RPAIN: variants seen among roughly 807,000 people sequenced by gnomAD.
RPAIN encodes the protein RPA-interacting protein.
A neutral mutation model predicts 30.5 loss-of-function variants in RPAIN; 29 were observed. The ratio of observed to expected loss-of-function variants is 0.95; its 90% CI spans 0.71 to 1.30. The LOEUF (loss-of-function observed/expected upper bound fraction) is 1.30, where lower values mean the gene tolerates loss of function less well. Among genes scored for constraint, RPAIN ranks in the 50% most tolerant of loss-of-function variants. The pLI, the probability that RPAIN is intolerant of heterozygous loss-of-function variation, is 0.00. For missense variants in RPAIN, 247 were observed against 264.7 expected (o/e 0.93, Z 0.46); for synonymous variants, 101 against 93.5 (o/e 1.08, Z -0.46).
Position 5,428,125 on chromosome 17 carries a change from G to A in RPAIN, c.544G>A (p.Glu182Lys). 6.2e-7 allele frequency: 1 copy of A among 1,614,116 alleles called. No individual in the cohort carries two copies. Among genetic ancestry groups the A allele is most frequent in the South Asian group, 1.1e-5 (1 of 91,080 alleles). Residue 182 changes from glutamate to lysine, a missense_variant, in exon 6 of 7, where the codon GAG becomes AAG. Transcript: ENST00000381209. ...LRACLEGSIN[E>K]HSAHCPHTPE... ...TGCCTGTTTAGAGGGTAGTATAAAT[G>A]AGCACAGTGCACATTGTCCCCACAC...
At chr17:5,427,875 G>T in intron 5 of RPAIN, 196 bp from the exon 6 acceptor site, 1 of 621,946 alleles carries the variant, frequency 1.6e-6, no homozygotes, top group East Asian at 2.7e-5. Context: ...GAGGGCGTTG[G>T]TTAATCTGGA....
intron 5 of RPAIN, chr17:5,427,596 T>C (rs548729809): frequency 6.5e-6 from 1 of 154,990 alleles, no homozygotes; most frequent in South Asian, 1.9e-4. Flanking sequence ...TCTTTTTTTT[T>C]TAAGCAGCTC....
At chr17:5,431,234 C>G in intron 6 of RPAIN, 1 of 351,860 alleles carries the variant, frequency 2.8e-6, no homozygotes. Context: ...CACCTGTAAC[C>G]CCAGCATTTA....
rs528942866 is a variant in RPAIN at position 5,422,824 on chromosome 17, A to G, written c.308A>G (p.Asn103Ser). The G allele has an allele frequency of 1.2e-6, 2 of 1,609,518 alleles. No homozygotes were observed. The highest frequency in any genetic ancestry group is 1.7e-6 in the Non-Finnish European group (2 of 1,176,472). Residue 103 changes from asparagine to serine, a missense_variant, in exon 3 of 7, where the codon AAC (asparagine) becomes AGC (serine). Coordinates refer to ENST00000381209, the MANE Select transcript of RPAIN (RefSeq NM_001033002.4). The stretch of plus-strand genomic sequence containing the variant: ...GAGGAAATTCAACAGGAGCTGATCA[A>G]CCAAGGTAACCCCTAGTGGTAGTCC... The part of the protein sequence containing the change: ...VLEEIQQELI[N>S]QEQSIISEYE...
chr17:5,432,247 T>C, intron 6 of RPAIN: 1 of 366,492 alleles, frequency 2.7e-6, no homozygotes, highest in South Asian at 4.6e-5. Context: ...ATCTTTCTGG[T>C]CAGTGGTTTC....
At position 5,428,177 on chromosome 17, in the gene RPAIN, C is replaced by G. The variant is rs140020074; in HGVS notation, c.596C>G (p.Thr199Arg). ...CCTGAATTTTCAGTCACTGGAGGAACAGAAGAAAAGTCCAGTCTTCTCATG... is the reference window on the plus strand; with the variant it reads ...CCTGAATTTTCAGTCACTGGAGGAAGAGAAGAAAAGTCCAGTCTTCTCATG... Reference protein sequence around the residue: ...HTPEFSVTGGTEEKSSLLMSC... With the variant: ...HTPEFSVTGGREEKSSLLMSC... Residue 199 changes from threonine (T) to arginine (R), a missense_variant, in exon 6 of 7, where the codon ACA becomes AGA. Physicochemically the swap from Thr to Arg is moderately conservative, Grantham distance 71. Coordinates refer to ENST00000381209, the MANE Select transcript of RPAIN (RefSeq NM_001033002.4). The G allele has an allele frequency of 7.7e-5, 125 of 1,614,058 alleles. 1 individual carries two copies. The African/African-American group carries it at 1.5e-3, about 20-fold the overall frequency.
intron 3 of RPAIN, among the ~76,000 whole-genome samples, 197 bp from the exon 4 acceptor site, chr17:5,425,774 A>C (rs1179779723): frequency 6.6e-6 from 1 of 152,280 alleles, no homozygotes; most frequent in Admixed American, 6.5e-5. Context: ...TTGTGCTCAC[A>C]AAAAGGGGAC....
At chr17:5,421,219 T>C in intron 1 of RPAIN, 77 bp from the exon 2 acceptor site, 1 of 1,419,232 alleles carries the variant, frequency 7.0e-7, no homozygotes, top group Non-Finnish European at 9.5e-7. Flanking sequence ...TTTAATGTTT[T>C]CTCAACTAAT....
chr17:5,425,243 T>C, intron 3 of RPAIN: 1 of 451,604 alleles, frequency 2.2e-6, no homozygotes, highest in Non-Finnish European at 4.4e-6. Context: ...TACTGTTGTA[T>C]GTTTGCTGAA....
rs1253823871 is a variant in RPAIN, at chr17:5,426,099, C to A, written c.425+17C>A. ...ATGTACAAAGTAAGAGTTTTTAAAA[C>A]CTTTTCAGCATTATTCGTTCCCATT... On this transcript the variant is annotated intron_variant, in intron 4 of 6. Transcript: ENST00000381209. The A allele has an allele frequency of 2.5e-6, 4 of 1,593,082 alleles. No individual in the cohort carries two copies. In the Admixed American group the frequency reaches 6.7e-5, roughly 27 times the overall value.
intron 3 of RPAIN, among the ~76,000 whole-genome samples, chr17:5,424,185 C>T (rs1255690386): frequency 6.6e-6 from 1 of 151,488 alleles, no homozygotes; most frequent in Non-Finnish European, 1.5e-5. Context: ...GACAGGGTCT[C>T]ACTGTGTTGC....
chr17:5,429,159 C>T, intron 6 of RPAIN: 1 of 985,360 alleles, frequency 1.0e-6, no homozygotes, highest in Non-Finnish European at 1.2e-6. Context: ...CAGGCAGTAC[C>T]CTGGAGAGCT....
Position 5,426,400 on chromosome 17 carries a change from T to C in RPAIN, c.489+101T>C, listed in dbSNP as rs919464688. 1.6e-5 allele frequency: 16 copies of C among 1,018,050 alleles called. 1 individual carries two copies. The South Asian group carries it at 2.1e-4, about 13-fold the overall frequency. 63.1% of individuals were successfully genotyped at this position (1,018,050 alleles called of 1,614,324 possible). A position where few individuals can be genotyped will look rare whatever the true frequency, so the allele number is the denominator to read the frequency against. ...ACTTGGAGCCCATTGTGCATATTTCTTCCCAGTTTTATGTTCAGTGGTGTC... is the reference window on the plus strand; with the variant it reads ...ACTTGGAGCCCATTGTGCATATTTCCTCCCAGTTTTATGTTCAGTGGTGTC... On this transcript the variant is annotated intron_variant, in intron 5 of 6. Coordinates refer to ENST00000381209, the MANE Select transcript of RPAIN (RefSeq NM_001033002.4).
intron 6 of RPAIN, chr17:5,428,888 G>C (rs1915656705): frequency 1.0e-6 from 1 of 985,628 alleles, no homozygotes. Flanking sequence ...TGTACTTCAG[G>C]AAGTTCATAG....
chr17:5,422,108 G>T (rs1914923414), intron 2 of RPAIN, among the ~76,000 whole-genome samples: 1 of 152,214 alleles, frequency 6.6e-6, no homozygotes, highest in South Asian at 2.1e-4. Flanking sequence ...TGGCAGCCAT[G>T]TGTGGAAGGG....
chr17:5,420,559 C>T (rs1914660468), intron 1 of RPAIN, among the ~76,000 whole-genome samples: 1 of 150,310 alleles, frequency 6.7e-6, no homozygotes, highest in Non-Finnish European at 1.5e-5. Flanking sequence ...CCTACTGTTG[C>T]TGCGGAGGTG....
Position 5,420,228 on chromosome 17 carries a change from G to T in RPAIN, c.18G>T (p.Arg6Ser). 1 of 1,613,840 alleles carries T rather than the reference G, an allele frequency of 6.2e-7. No homozygotes were observed. The highest frequency in any genetic ancestry group is 8.5e-7 in the Non-Finnish European group (1 of 1,180,012). The stretch of plus-strand genomic sequence containing the variant: ...AAGAGGAGATGGCGGAGTCGTTGAG[G>T]TCTCCGCGCCGCTCCCTGTACAAAC... MAESL[R>S]SPRRSLYKLV... Residue 6 changes from arginine (R) to serine (S), a missense_variant, in exon 1 of 7, where the codon AGG becomes AGT. By Grantham distance (110) the Arg-to-Ser change is moderately radical. Transcript: ENST00000381209.
intron 6 of RPAIN, chr17:5,431,783 A>G: frequency 2.6e-6 from 1 of 386,476 alleles, no homozygotes; most frequent in Non-Finnish European, 5.1e-6. Flanking sequence ...CTGGGATGGA[A>G]TATGCCAAAC....
rs190019050 is a variant in RPAIN at position 5,431,151 on chromosome 17, A to T, written c.631-1391A>T. 3.0e-4 allele frequency: 96 copies of T among 315,652 alleles called. 1 individual carries two copies. Among genetic ancestry groups the T allele is most frequent in the African/African-American group, 2.0e-3 (90 of 45,324 alleles). The allele number at this position is 315,652 out of a possible 1,614,324, so 19.6% of individuals were successfully genotyped here. On this transcript the variant is annotated intron_variant, in intron 6 of 6. Coordinates refer to ENST00000381209, the MANE Select transcript of RPAIN (RefSeq NM_001033002.4). The stretch of plus-strand genomic sequence containing the variant: ...TGCCGGCTCTGGGGTGGGCAGGAAG[A>T]CCATTGTTGGGTAAGTGAGGGGAGG...
Sources: allele counts gnomAD v4.1 joint callset (sites outside exome capture counted in the v4.1 genomes callset), GRCh38; gene constraint gnomAD v4.1.1; transcripts MANE v1.5; gene names NCBI Gene and HGNC (gene_info 2026-07-23, HGNC 2026-07-21).